Variants in CHRM3 observed in about 807,000 individuals in gnomAD.
CHRM3 encodes muscarinic acetylcholine receptor M3.
In CHRM3, 11 loss-of-function variants were observed where a neutral mutation model predicts 41.8. That is an observed-to-expected ratio of 0.26 (90% CI 0.17 to 0.44). The LOEUF (loss-of-function observed/expected upper bound fraction) is 0.44. CHRM3 is among the 20% of genes least tolerant of loss of function. The probability of loss-of-function intolerance (pLI) is 1.00; values close to 1 mark genes in which losing one functional copy is unlikely to be tolerated. For synonymous variants in CHRM3, 297 were observed against 301.4 expected (o/e 0.99, Z 0.15); for missense variants, 571 against 745.4 (o/e 0.77, Z 2.72).
At chr1:239,389,861 G>T (rs1430970128) in intron 1 of CHRM3, among the ~76,000 whole-genome samples, 2 of 152,172 alleles carry the variant, frequency 1.3e-5, no homozygotes, top group Non-Finnish European at 2.9e-5. Context: ...TAAGAAATTG[G>T]GTCTTGTTTG....
At chr1:239,389,862 G>A (rs1658867812) in intron 1 of CHRM3, among the ~76,000 whole-genome samples, 2 of 152,164 alleles carry the variant, frequency 1.3e-5, no homozygotes, top group Non-Finnish European at 2.9e-5. Context: ...AAGAAATTGG[G>A]TCTTGTTTGC....
chr1:239,670,208 C>T lies in CHRM3; in HGVS notation c.-249-7978C>T, dbSNP rs761054351. Reference sequence around the variant, plus strand: ...AAGCCCTAACATATTTTCACCATCACGCCAAGTTCTCTTATACCTCTTCCT... The same window carrying T: ...AAGCCCTAACATATTTTCACCATCATGCCAAGTTCTCTTATACCTCTTCCT... On this transcript the variant is annotated intron_variant, in intron 4 of 6. Coordinates refer to ENST00000676153, the MANE Select transcript of CHRM3 (RefSeq NM_001375978.1). 3.9e-5 allele frequency among the ~76,000 whole-genome samples: 6 copies of T among 152,246 alleles called. No homozygotes were observed. In the South Asian group the frequency reaches 8.3e-4, roughly 21 times the overall value.
chr1:239,772,378 T>C (rs987161615), intron 5 of CHRM3, among the ~76,000 whole-genome samples: 1 of 152,196 alleles, frequency 6.6e-6, no homozygotes, highest in African/African-American at 2.4e-5. Flanking sequence ...CTCGAACTCC[T>C]GACCTCAGGT....
chr1:239,915,144 A>G lies in CHRM3; in HGVS notation c.*5920A>G, dbSNP rs1680575859. 1 of 167,134 alleles carries G rather than the reference A, an allele frequency of 6.0e-6. No individual in the cohort carries two copies. The highest frequency in any genetic ancestry group is 1.5e-5 in the Non-Finnish European group (1 of 68,136). 10.4% of individuals were successfully genotyped at this position (167,134 alleles called of 1,614,324 possible). On this transcript the variant is annotated 3_prime_UTR_variant, in exon 7 of 7. Coordinates refer to ENST00000676153, the MANE Select transcript of CHRM3 (RefSeq NM_001375978.1). ...CATTTAAAGATGCTCTCTGGTGGAT[A>G]GAGAAACCGCAGTCCAAAAACAGAT... is the stretch of plus-strand genomic sequence containing the variant.
chr1:239,849,559 C>CGT (rs531189061), intron 6 of CHRM3, among the ~76,000 whole-genome samples: 28 of 152,208 alleles, frequency 1.8e-4, no homozygotes, highest in East Asian at 1.4e-3. Context: ...AAGACACAAA[C>CGT]GTGTTTTGCT....
At chr1:239,552,490 T>C (rs1454208965) in intron 3 of CHRM3, among the ~76,000 whole-genome samples, 1 of 145,474 alleles carries the variant, frequency 6.9e-6, no homozygotes, top group Non-Finnish European at 1.5e-5. Flanking sequence ...TATCATACTT[T>C]ACATAAAATA....
At chr1:239,802,010 AT>A (rs1670262539) in intron 5 of CHRM3, among the ~76,000 whole-genome samples, 1 of 151,992 alleles carries the variant, frequency 6.6e-6, no homozygotes, top group African/African-American at 2.4e-5. Context: ...TGGCAGGCCA[AT>A]TTCTCTTATG....
At chr1:239,502,218 A>T (rs2148139205) in intron 2 of CHRM3, among the ~76,000 whole-genome samples, 1 of 152,310 alleles carries the variant, frequency 6.6e-6, no homozygotes, top group Non-Finnish European at 1.5e-5. Context: ...AGGGAAAATC[A>T]AAATAACTTT....
intron 6 of CHRM3, among the ~76,000 whole-genome samples, chr1:239,873,312 C>T (rs1437427635): frequency 6.6e-6 from 1 of 152,112 alleles, no homozygotes; most frequent in Non-Finnish European, 1.5e-5. Flanking sequence ...AATTCCCACA[C>T]AGGGAACATG....
chr1:239,619,902 C>T (rs1177314324), intron 3 of CHRM3, among the ~76,000 whole-genome samples: 3 of 151,998 alleles, frequency 2.0e-5, no homozygotes, highest in African/African-American at 7.3e-5. Flanking sequence ...GCTGGGGTTG[C>T]TGAAAGGTTA....
chr1:239,436,986 C>T (rs1429527248), intron 1 of CHRM3, among the ~76,000 whole-genome samples: 1 of 152,068 alleles, frequency 6.6e-6, no homozygotes, highest in Non-Finnish European at 1.5e-5. Context: ...GAATGGCTCA[C>T]CAGACCACAC....
At position 239,765,356 on chromosome 1, in the gene CHRM3, C is replaced by T. The variant is rs539893950; in HGVS notation, c.-146-61896C>T. ...GTCCTGGTGCCTTGCCTGCTACTTA[C>T]GCACTCACCACTAGGGAAGTAAGTC... On this transcript the variant is annotated intron_variant, in intron 5 of 6. Transcript: ENST00000676153. Among the ~76,000 whole-genome samples the T allele has an allele frequency of 3.8e-4, 58 of 152,316 alleles. 1 individual carries two copies. In the South Asian group the frequency reaches 9.5e-3, roughly 25 times the overall value.
At chr1:239,521,415 G>A (rs1304347912) in intron 2 of CHRM3, among the ~76,000 whole-genome samples, 2 of 152,158 alleles carry the variant, frequency 1.3e-5, no homozygotes, top group Non-Finnish European at 2.9e-5. Context: ...TCTCCTGGAA[G>A]GCAGCTTCCT....
intron 5 of CHRM3, among the ~76,000 whole-genome samples, chr1:239,742,752 A>T (rs1177049882): frequency 6.6e-6 from 1 of 152,208 alleles, no homozygotes; most frequent in African/African-American, 2.4e-5. Flanking sequence ...AATAAGAGAA[A>T]TAACAATTGC....
intron 5 of CHRM3, among the ~76,000 whole-genome samples, chr1:239,819,857 T>C (rs1445672961): frequency 2.6e-5 from 4 of 152,116 alleles, no homozygotes; most frequent in Non-Finnish European, 2.9e-5. Flanking sequence ...GAAGAGACAA[T>C]GTGATTGCCA....
chr1:239,763,393 A>C (rs1249570465), intron 5 of CHRM3, among the ~76,000 whole-genome samples: 3 of 152,216 alleles, frequency 2.0e-5, no homozygotes, highest in Non-Finnish European at 4.4e-5. Context: ...TATCATTTAA[A>C]CTTCATAGCT....
chr1:239,411,867 C>T (rs1380720469), intron 1 of CHRM3, among the ~76,000 whole-genome samples: 1 of 151,668 alleles, frequency 6.6e-6, no homozygotes, highest in Non-Finnish European at 1.5e-5. Context: ...AGTGCACGAT[C>T]CCCAATTTCT....
intron 1 of CHRM3, among the ~76,000 whole-genome samples, chr1:239,446,269 A>G (rs1476135440): frequency 6.6e-6 from 1 of 152,222 alleles, no homozygotes; most frequent in Admixed American, 6.5e-5. Context: ...GACAGAAGAA[A>G]TAACAAAGAC....
At chr1:239,822,834 A>G (rs1473149992) in intron 5 of CHRM3, among the ~76,000 whole-genome samples, 1 of 152,232 alleles carries the variant, frequency 6.6e-6, no homozygotes, top group African/African-American at 2.4e-5. Context: ...GCAATTTGCA[A>G]CGTTTGCATC....
Sources: gnomAD v4.1 joint callset for allele counts (sites outside exome capture counted in the v4.1 genomes callset) on GRCh38, gnomAD v4.1.1 for gene constraint, MANE v1.5 for transcripts, NCBI Gene and HGNC (gene_info 2026-07-23, HGNC 2026-07-21) for gene names.